CEP72: variants seen among roughly 807,000 people sequenced by gnomAD.
CEP72 encodes the protein centrosomal protein of 72 kDa.
In CEP72, 78 loss-of-function variants were observed where a neutral mutation model predicts 65.7. The observed-to-expected ratio is 1.19, with a 90% confidence interval of 0.99 to 1.43. The LOEUF is 1.43. Ranked by LOEUF, CEP72 falls within the 40% of genes most tolerant of loss-of-function variation. The probability of loss-of-function intolerance (pLI) is 0.00; values close to 1 mark genes in which losing one functional copy is unlikely to be tolerated. For synonymous variants in CEP72, 358 were observed against 351.7 expected, an observed-to-expected ratio of 1.02 and a Z score of -0.20; for missense variants, 914 against 832.9, an observed-to-expected ratio of 1.10 and a Z score of -1.20.
At chr5:638,454 A>G (rs1346778899) in intron 7 of CEP72, among the ~76,000 whole-genome samples, 1 of 151,964 alleles carries the variant, frequency 6.6e-6, no homozygotes, top group Non-Finnish European at 1.5e-5. Flanking sequence ...TACTTGCCAC[A>G]ACGAGGGCTT....
At chr5:651,476 G>A (rs944774057) in intron 11 of CEP72, among the ~76,000 whole-genome samples, 2 of 151,972 alleles carry the variant, frequency 1.3e-5, no homozygotes, top group African/African-American at 4.8e-5. Flanking sequence ...GGGCACGGCG[G>A]GGCAACCTGG....
At chr5:648,091 A>C (rs1007141246) in intron 11 of CEP72, among the ~76,000 whole-genome samples, 175 bp downstream of exon 11, 3 of 152,254 alleles carry the variant, frequency 2.0e-5, no homozygotes, top group Non-Finnish European at 4.4e-5. Context: ...TTCCTCTCTG[A>C]AAACGGAGGC....
downstream of CEP72, among the ~76,000 whole-genome samples, chr5:668,722 A>G (rs940657788): frequency 6.6e-5 from 10 of 152,266 alleles, no homozygotes; most frequent in African/African-American, 2.2e-4. Flanking sequence ...AGGCTCACAC[A>G]TAAACGCAAA....
chr5:672,383 A>G, the CEP72 span, among the ~76,000 whole-genome samples: 1 of 152,214 alleles, frequency 6.6e-6, no homozygotes, highest in Non-Finnish European at 1.5e-5. Flanking sequence ...CCAGGTGTCT[A>G]TAGGAAACGT....
downstream of CEP72, among the ~76,000 whole-genome samples, chr5:654,024 A>AGTGTGTGCGCTTGCTGTGTGT (rs70955273): frequency 7.0e-6 from 1 of 141,848 alleles, no homozygotes; most frequent in Non-Finnish European, 1.6e-5. Flanking sequence ...TGTGTGCGCT[A>AGTGTGTGCGCTTGCTGTGTGT]GTGTGCGCTT....
chr5:638,962 T>TG (rs1381751526), intron 7 of CEP72, 127 bp from the exon 8 acceptor site: 7 of 1,234,124 alleles, frequency 5.7e-6, no homozygotes, highest in Non-Finnish European at 8.1e-6. Flanking sequence ...GGCTCAGGGC[T>TG]GGGGCCTCAG....
At position 649,848 on chromosome 5, in the gene CEP72, G is replaced by A. The variant is rs560344400; in HGVS notation, c.1778+1932G>A. 3.2e-4 allele frequency among the ~76,000 whole-genome samples: 34 copies of A among 107,878 alleles called. 1 individual carries two copies. Among genetic ancestry groups the A allele is most frequent in the African/African-American group, 1.0e-3 (32 of 30,746 alleles). 70.8% of individuals were successfully genotyped at this position (107,878 alleles called of 152,430 possible). ...GGACTGTGAGGCGTGACTGTGAGGC[G>A]TGACTGTGAGGCGTGACTGAGGTGT... On this transcript the variant is annotated intron_variant, in intron 11 of 11. Transcript: ENST00000264935.
chr5:625,033 G>T (rs1669976218), intron 4 of CEP72, among the ~76,000 whole-genome samples: 1 of 152,172 alleles, frequency 6.6e-6, no homozygotes, highest in African/African-American at 2.4e-5. Flanking sequence ...GACGGTGCCG[G>T]GATGCGCCTT....
At chr5:668,742 C>T (rs1740063839), downstream of CEP72, among the ~76,000 whole-genome samples, 2 of 152,266 alleles carry the variant, frequency 1.3e-5, no homozygotes, top group Admixed American at 1.3e-4. Flanking sequence ...ATGTTTACCA[C>T]TGTTCTGCTC....
chr5:644,860 C>G (rs1422609482), intron 10 of CEP72, among the ~76,000 whole-genome samples: 1 of 152,222 alleles, frequency 6.6e-6, no homozygotes, highest in East Asian at 1.9e-4. Flanking sequence ...GAACCCGTGT[C>G]TCTCCCGAGC....
chr5:626,340 G>T (rs1316342806), intron 4 of CEP72, among the ~76,000 whole-genome samples: 1 of 152,218 alleles, frequency 6.6e-6, no homozygotes, highest in African/African-American at 2.4e-5. Flanking sequence ...GGTTTCCAGC[G>T]CAGCCTTGCG....
chr5:627,149 A>G (rs1320774788), intron 4 of CEP72, among the ~76,000 whole-genome samples: 1 of 152,206 alleles, frequency 6.6e-6, no homozygotes, highest in Admixed American at 6.5e-5. Flanking sequence ...TTGGAAGGTT[A>G]TTAACTATTG....
At chr5:618,517 A>G (rs1736142144) in intron 1 of CEP72, among the ~76,000 whole-genome samples, 1 of 152,246 alleles carries the variant, frequency 6.6e-6, no homozygotes, top group Admixed American at 6.5e-5. Context: ...GGCTTTATTC[A>G]GAACCATTGA....
chr5:627,752 T>A (rs1051716222), intron 4 of CEP72, among the ~76,000 whole-genome samples: 3 of 152,260 alleles, frequency 2.0e-5, no homozygotes, highest in African/African-American at 7.2e-5. Flanking sequence ...GAAGCACTTA[T>A]TCCACGTGGT....
intron 4 of CEP72, 47 bp from the exon 5 acceptor site, chr5:633,722 C>G: frequency 6.3e-7 from 1 of 1,576,220 alleles, no homozygotes; most frequent in Non-Finnish European, 8.7e-7. Flanking sequence ...TGGGCCGGAG[C>G]ATATGGCTGG....
chr5:635,260 C>T (rs888240585), intron 5 of CEP72, 112 bp from the exon 6 acceptor site: 46 of 774,762 alleles, frequency 5.9e-5, no homozygotes, highest in Non-Finnish European at 9.6e-5. Context: ...ACGTGATTAA[C>T]CCCTCGGTCT....
At chr5:634,276 G>C (rs1330334308) in intron 5 of CEP72, among the ~76,000 whole-genome samples, 1 of 151,912 alleles carries the variant, frequency 6.6e-6, no homozygotes, top group South Asian at 2.1e-4. Context: ...GCAGCTGCAG[G>C]GGGGCATAGT....
chr5:639,900 C>T (rs746689400), intron 8 of CEP72, among the ~76,000 whole-genome samples: 39 of 152,220 alleles, frequency 2.6e-4, no homozygotes, highest in Non-Finnish European at 5.3e-4. Context: ...AGTGTTATAG[C>T]CCCTCAGCTC....
At chr5:649,884 GTGGGA>G (rs1738838425) in intron 11 of CEP72, among the ~76,000 whole-genome samples, 1 of 129,138 alleles carries the variant, frequency 7.7e-6, no homozygotes, top group Non-Finnish European at 1.7e-5. Flanking sequence ...GGACTGTGAG[GTGGGA>G]CTGTGAGGTG....
Sources: gnomAD v4.1 joint callset for allele counts (sites outside exome capture counted in the v4.1 genomes callset) on GRCh38, gnomAD v4.1.1 for gene constraint, MANE v1.5 for transcripts, NCBI Gene and HGNC (gene_info 2026-07-23, HGNC 2026-07-21) for gene names.